IPO11: variants seen among roughly 807,000 people sequenced by gnomAD.
IPO11 encodes the protein importin-11.
A neutral mutation model predicts 143.2 loss-of-function variants in IPO11; 66 were observed. That is an observed-to-expected ratio of 0.46 (90% confidence interval 0.38 to 0.57). The LOEUF (loss-of-function observed/expected upper bound fraction) is 0.57, where lower values mean the gene tolerates loss of function less well. Ranked by LOEUF, IPO11 falls within the 20% of genes least tolerant of loss-of-function variation. The probability of loss-of-function intolerance (pLI) is 0.00; values close to 1 mark genes in which losing one functional copy is unlikely to be tolerated. For missense variants in IPO11, 1,026 were observed against 1,141.0 expected (o/e 0.90, Z 1.45); for synonymous variants, 385 against 377.8 (o/e 1.02, Z -0.22).
At chr5:62,618,548 A>C (rs2112477434) in intron 29 of IPO11, among the ~76,000 whole-genome samples, 1 of 152,292 alleles carries the variant, frequency 6.6e-6, no homozygotes, top group African/African-American at 2.4e-5. Flanking sequence ...GAATAGATAA[A>C]CCTGGCCAAT....
At chr5:62,548,147 T>G (rs912602557) in intron 24 of IPO11, among the ~76,000 whole-genome samples, 3 of 152,214 alleles carry the variant, frequency 2.0e-5, no homozygotes, top group African/African-American at 7.2e-5. Context: ...TCATGATTCC[T>G]CTATTTCTTC....
At chr5:62,580,244 G>C (rs1744498071) in intron 27 of IPO11, 1 of 1,548,260 alleles carries the variant, frequency 6.5e-7, no homozygotes, top group Non-Finnish European at 8.7e-7. Flanking sequence ...AATGTTACTA[G>C]GGATGGGTTT....
chr5:62,480,661 G>T (rs1334536351), intron 9 of IPO11, among the ~76,000 whole-genome samples: 1 of 152,170 alleles, frequency 6.6e-6, no homozygotes, highest in African/African-American at 2.4e-5. Flanking sequence ...CACATGCCTT[G>T]TAAGTTGGAT....
At chr5:62,551,413 T>G (rs1353767660) in intron 26 of IPO11, 77 bp downstream of exon 26, 4 of 797,690 alleles carry the variant, frequency 5.0e-6, no homozygotes, top group Non-Finnish European at 6.1e-6. Flanking sequence ...AAATAATGAG[T>G]CTTTGTAAAA....
At chr5:62,579,406 T>A (rs1744454387) in intron 27 of IPO11, 2 of 1,546,728 alleles carry the variant, frequency 1.3e-6, no homozygotes, top group Middle Eastern at 1.7e-4. Context: ...TATAGCCAAT[T>A]CTGATCTGAA....
At chr5:62,561,755 C>T (rs1405601869) in intron 27 of IPO11, 1 of 151,954 alleles carries the variant, frequency 6.6e-6, no homozygotes, top group African/African-American at 2.4e-5. Context: ...ATACAGAATG[C>T]TTTGGTTTGG....
chr5:62,499,820 C>T (rs963278057), intron 16 of IPO11, among the ~76,000 whole-genome samples: 1 of 151,726 alleles, frequency 6.6e-6, no homozygotes, highest in South Asian at 2.1e-4. Context: ...CAGTTTTTTC[C>T]ACTTCTAGTA....
chr5:62,508,496 A>C (rs1027370520), intron 19 of IPO11, among the ~76,000 whole-genome samples: 1 of 151,650 alleles, frequency 6.6e-6, no homozygotes, highest in Non-Finnish European at 1.5e-5. Flanking sequence ...GCCATCTTAC[A>C]ATAGTGCTTT....
chr5:62,546,365 A>G (rs1743183290), intron 24 of IPO11, among the ~76,000 whole-genome samples: 1 of 152,126 alleles, frequency 6.6e-6, no homozygotes, highest in African/African-American at 2.4e-5. Flanking sequence ...ACCAAACACC[A>G]CATGTTCTCA....
intron 5 of IPO11, among the ~76,000 whole-genome samples, chr5:62,456,938 A>G (rs959732051): frequency 6.6e-6 from 1 of 151,984 alleles, no homozygotes; most frequent in Non-Finnish European, 1.5e-5. Context: ...CTAAAAATAC[A>G]AAAATTAGCC....
intron 24 of IPO11, among the ~76,000 whole-genome samples, chr5:62,549,790 A>C (rs1160258331): frequency 6.6e-6 from 1 of 152,192 alleles, no homozygotes; most frequent in African/African-American, 2.4e-5. Flanking sequence ...TATCAAAATA[A>C]TTTTTAGTCA....
intron 3 of IPO11, among the ~76,000 whole-genome samples, chr5:62,448,349 T>A (rs947503731): frequency 6.6e-6 from 1 of 152,208 alleles, no homozygotes; most frequent in African/African-American, 2.4e-5. Flanking sequence ...AACCTGTGAA[T>A]TTTCCATTCC....
At chr5:62,464,555 C>A (rs979666389) in intron 5 of IPO11, among the ~76,000 whole-genome samples, 1 of 149,166 alleles carries the variant, frequency 6.7e-6, no homozygotes, top group Non-Finnish European at 1.5e-5. Flanking sequence ...CTGCAGCCTC[C>A]CTTCCTGGGC....
rs554647491 is a variant in IPO11 at position 62,627,026 on chromosome 5, C to A, written c.2764-128C>A. The stretch of plus-strand genomic sequence containing the variant: ...TTCCACCATGAGATTAGTACAGAAT[C>A]TGTGTGAGAAGAGAGGCAGAAGCAA... On this transcript the variant is annotated intron_variant, in intron 29 of 29. Transcript: ENST00000325324. 4.0e-5 allele frequency: 28 copies of A among 703,096 alleles called. 1 individual carries two copies. The South Asian group carries it at 6.9e-4, about 17-fold the overall frequency. The allele number at this position is 703,096 out of a possible 1,614,324, so 43.6% of individuals were successfully genotyped here.
chr5:62,586,799 A>G (rs1485838872), intron 27 of IPO11, among the ~76,000 whole-genome samples: 1 of 136,430 alleles, frequency 7.3e-6, no homozygotes, highest in Non-Finnish European at 1.6e-5. Flanking sequence ...ATATATATAT[A>G]TATTCATGAT....
chr5:62,467,972 G>A (rs1745627757), intron 6 of IPO11, among the ~76,000 whole-genome samples: 1 of 151,980 alleles, frequency 6.6e-6, no homozygotes, highest in Non-Finnish European at 1.5e-5. Context: ...TGGACAGACA[G>A]GGTCTTGCTC....
chr5:62,502,762 G>T (rs10069988), intron 16 of IPO11, among the ~76,000 whole-genome samples: 70,990 of 151,856 alleles, frequency 0.47, 16,773 homozygotes, highest in South Asian at 0.53. Context: ...GAGAATTAAG[G>T]GTTAGTGTGC....
At chr5:62,432,997 G>A (rs942510048) in intron 1 of IPO11, among the ~76,000 whole-genome samples, 1 of 152,028 alleles carries the variant, frequency 6.6e-6, no homozygotes, top group African/African-American at 2.4e-5. Flanking sequence ...GGACACATTG[G>A]GAACATTCTG....
At chr5:62,473,961 T>C (rs192565067) in intron 7 of IPO11, among the ~76,000 whole-genome samples, 2 of 152,280 alleles carry the variant, frequency 1.3e-5, no homozygotes, top group African/African-American at 2.4e-5. Flanking sequence ...TGAATACTTA[T>C]TATTGCCAAA....
Sources: gnomAD v4.1 joint callset for allele counts (sites outside exome capture counted in the v4.1 genomes callset) on GRCh38, gnomAD v4.1.1 for gene constraint, MANE v1.5 for transcripts, NCBI Gene and HGNC (gene_info 2026-07-23, HGNC 2026-07-21) for gene names.